IPO11: variants seen among roughly 807,000 people sequenced by gnomAD.
IPO11 encodes the protein importin-11.
Under a neutral mutation model 143.2 loss-of-function variants are expected in IPO11, and 66 were observed. The ratio of observed to expected loss-of-function variants is 0.46; its 90% CI spans 0.38 to 0.57. The LOEUF is 0.57. Among genes scored for constraint, IPO11 ranks in the 20% least tolerant of loss-of-function variants. The pLI is 0.00. For synonymous variants in IPO11, 385 were observed against 377.8 expected (o/e 1.02, Z -0.22); for missense variants, 1,026 against 1,141.0 (o/e 0.90, Z 1.45).
At chr5:62,612,646 T>G (rs57199871) in intron 29 of IPO11, among the ~76,000 whole-genome samples, 71,246 of 152,088 alleles carry the variant, frequency 0.47, 16,907 homozygotes, top group South Asian at 0.53. Flanking sequence ...TGTAATGGAT[T>G]TATTGATATT....
intron 24 of IPO11, among the ~76,000 whole-genome samples, chr5:62,549,034 A>G (rs1394554497): frequency 2.0e-5 from 3 of 152,032 alleles, no homozygotes; most frequent in Non-Finnish European, 2.9e-5. Flanking sequence ...CTCTCGGTCT[A>G]CTAGCTTATC....
chr5:62,428,726 AC>A (rs1743852962), intron 1 of IPO11, among the ~76,000 whole-genome samples: 1 of 151,902 alleles, frequency 6.6e-6, no homozygotes. Flanking sequence ...GTGCAGTGGC[AC>A]AGTCTTAGCT....
At chr5:62,430,738 C>T (rs574186371) in intron 1 of IPO11, among the ~76,000 whole-genome samples, 9 of 146,466 alleles carry the variant, frequency 6.1e-5, no homozygotes, top group Admixed American at 2.7e-4. Flanking sequence ...AGTGCAGTGG[C>T]GCAATCTTGG....
At chr5:62,582,469 T>G (rs1463732347) in intron 27 of IPO11, among the ~76,000 whole-genome samples, 1 of 152,204 alleles carries the variant, frequency 6.6e-6, no homozygotes, top group African/African-American at 2.4e-5. Flanking sequence ...TTTAGACAGA[T>G]TGAATCTGAG....
At chr5:62,510,922 G>A (rs1244191539) in intron 19 of IPO11, among the ~76,000 whole-genome samples, 1 of 151,984 alleles carries the variant, frequency 6.6e-6, no homozygotes, top group East Asian at 1.9e-4. Flanking sequence ...TAGTAGAGAC[G>A]GGGTTTCACC....
intron 27 of IPO11, among the ~76,000 whole-genome samples, chr5:62,573,295 T>A (rs1171527022): frequency 1.3e-5 from 2 of 152,218 alleles, no homozygotes; most frequent in Non-Finnish European, 2.9e-5. Flanking sequence ...GAGATAATAC[T>A]TGAAGAATGT....
intron 24 of IPO11, among the ~76,000 whole-genome samples, chr5:62,537,781 T>TTAGTTAGATATA (rs1742785461): frequency 1.3e-5 from 2 of 152,090 alleles, no homozygotes; most frequent in Non-Finnish European, 2.9e-5. Context: ...CTCTAAGTTG[T>TTAGTTAGATATA]ATATTATCTT....
At chr5:62,480,156 A>G (rs1580227906) in intron 9 of IPO11, among the ~76,000 whole-genome samples, 1 of 152,210 alleles carries the variant, frequency 6.6e-6, no homozygotes. Flanking sequence ...CTTTCTACAT[A>G]TGGCTAGCTA....
At chr5:62,468,629 T>G (rs533484614) in intron 6 of IPO11, among the ~76,000 whole-genome samples, 1 of 152,368 alleles carries the variant, frequency 6.6e-6, no homozygotes, top group African/African-American at 2.4e-5. Context: ...GTAGTATATT[T>G]AATGATTAAG....
intron 19 of IPO11, among the ~76,000 whole-genome samples, chr5:62,508,870 C>T (rs1741654258): frequency 6.6e-6 from 1 of 152,040 alleles, no homozygotes; most frequent in Admixed American, 6.6e-5. Context: ...GTTTTCTGTC[C>T]TTGTGGTAGT....
Position 62,418,943 on chromosome 5 carries a change from T to C in IPO11, c.-7+6014T>C, listed in dbSNP as rs1743394172. 5.2e-5 allele frequency: 79 copies of C among 1,510,820 alleles called. 1 individual carries two copies. The South Asian group carries it at 9.9e-4, about 19-fold the overall frequency. The allele number at this position is 1,510,820 out of a possible 1,614,324, so 93.6% of individuals were successfully genotyped here. On this transcript the variant is annotated intron_variant, in intron 1 of 29. Transcript: ENST00000325324. ...GATACAGTCACGAGTTGCTTAAGGC[T>C]GGGATACATCCTGAGAAATGGGTCG...
At chr5:62,552,277 A>G (rs1743414268) in intron 26 of IPO11, among the ~76,000 whole-genome samples, 1 of 152,142 alleles carries the variant, frequency 6.6e-6, no homozygotes, top group Non-Finnish European at 1.5e-5. Context: ...CTTTTGGTTT[A>G]TGGCTGAAAA....
chr5:62,564,906 C>T (rs1743882976), intron 27 of IPO11, among the ~76,000 whole-genome samples: 1 of 152,148 alleles, frequency 6.6e-6, no homozygotes, highest in South Asian at 2.1e-4. Flanking sequence ...TGCTAATGAC[C>T]ATGGTCAAGT....
intron 19 of IPO11, among the ~76,000 whole-genome samples, chr5:62,508,260 A>G (rs1741627402): frequency 6.7e-6 from 1 of 149,670 alleles, no homozygotes. Flanking sequence ...CCTCCTGAGT[A>G]GTAGCTTGGA....
Position 62,536,701 on chromosome 5 carries a change from G to T in IPO11, c.2090-1G>T. ...TTGTTTGACATTTATTGTTTTGGCA[G>T]AACTAAGTTCAGAAAATCTTAGAAC... On this transcript the variant is annotated splice_acceptor_variant, in intron 22 of 29. Coordinates refer to ENST00000325324, the MANE Select transcript of IPO11 (RefSeq NM_016338.5). LOFTEE classifies it high-confidence loss of function. 1 of 1,573,942 alleles carries T rather than the reference G, an allele frequency of 6.4e-7. No individual in the cohort carries two copies. The highest frequency in any genetic ancestry group is 1.2e-5 in the South Asian group (1 of 83,688).
rs746610346 is a variant in IPO11, at chr5:62,551,274, C to T, written c.2398C>T (p.Leu800=). 6.8e-6 allele frequency: 11 copies of T among 1,610,562 alleles called. No individual in the cohort carries two copies. The East Asian group carries it at 1.1e-4, about 16-fold the overall frequency. ...TYLGVMGRVL[L]QNTSFFSSLL... is the part of the protein sequence containing the mutation. Reference sequence around the variant, plus strand: ...TCTTGGAGTTATGGGTCGAGTTCTACTACAAAACACTAGTTTTTTTTCTTC... The same window carrying T: ...TCTTGGAGTTATGGGTCGAGTTCTATTACAAAACACTAGTTTTTTTTCTTC... Residue 800 remains leucine, a synonymous_variant, in exon 26 of 30, where the codon CTA becomes TTA. Coordinates refer to ENST00000325324, the MANE Select transcript of IPO11 (RefSeq NM_016338.5).
chr5:62,614,236 T>G (rs1023982940), intron 29 of IPO11, among the ~76,000 whole-genome samples: 5 of 152,250 alleles, frequency 3.3e-5, no homozygotes, highest in Non-Finnish European at 5.9e-5. Context: ...TCCCCACAAT[T>G]GTCTTACTGA....
chr5:62,545,459 T>G (rs1168263655), intron 24 of IPO11, among the ~76,000 whole-genome samples: 1 of 152,162 alleles, frequency 6.6e-6, no homozygotes, highest in African/African-American at 2.4e-5. Context: ...CAAGATGGAT[T>G]AAAGACTTAA....
intron 24 of IPO11, among the ~76,000 whole-genome samples, chr5:62,547,119 T>C (rs569740693): frequency 1.7e-4 from 26 of 152,308 alleles, no homozygotes; most frequent in African/African-American, 6.3e-4. Context: ...CAAGTCATTT[T>C]AATACATAGT....
Sources: allele counts gnomAD v4.1 joint callset (sites outside exome capture counted in the v4.1 genomes callset), GRCh38; gene constraint gnomAD v4.1.1; transcripts MANE v1.5; gene names NCBI Gene and HGNC (gene_info 2026-07-23, HGNC 2026-07-21).